USP37: variants seen among roughly 807,000 people sequenced by gnomAD.
USP37 encodes the protein ubiquitin specific peptidase 37.
Under a neutral mutation model 124.0 loss-of-function variants are expected in USP37, and 27 were observed. That is an observed-to-expected ratio of 0.22 (90% confidence interval 0.16 to 0.30). USP37 has a LOEUF of 0.30. Ranked by LOEUF, USP37 falls within the 10% of genes least tolerant of loss-of-function variation. The probability of loss-of-function intolerance (pLI) is 1.00; values close to 1 mark genes in which losing one functional copy is unlikely to be tolerated. For synonymous variants in USP37, 365 were observed against 388.0 expected (o/e 0.94, Z 0.70); for missense variants, 889 against 1,140.4 (o/e 0.78, Z 3.17).
chr2:218,531,851 A>T (rs1691343953), intron 9 of USP37, among the ~76,000 whole-genome samples: 1 of 152,264 alleles, frequency 6.6e-6, no homozygotes, highest in Admixed American at 6.5e-5. Flanking sequence ...CTACAAGTGG[A>T]GCCTGCAGAT....
intron 20 of USP37, among the ~76,000 whole-genome samples, chr2:218,467,663 T>C (rs546386166): frequency 6.6e-6 from 1 of 151,640 alleles, no homozygotes; most frequent in South Asian, 2.1e-4. Flanking sequence ...TTGTATTTTT[T>C]AGTAGAGATA....
intron 18 of USP37, among the ~76,000 whole-genome samples, chr2:218,477,892 A>T (rs1237576233): frequency 6.6e-6 from 1 of 152,228 alleles, no homozygotes; most frequent in Non-Finnish European, 1.5e-5. Context: ...ACTTATGTGG[A>T]ATCCTTTAAT....
chr2:218,513,301 G>A (rs947622882), intron 10 of USP37, among the ~76,000 whole-genome samples: 2 of 152,104 alleles, frequency 1.3e-5, no homozygotes, highest in African/African-American at 2.4e-5. Context: ...CAAGTGCTAC[G>A]ATTACAGGCG....
chr2:218,466,407 T>G (rs185210784), intron 20 of USP37, among the ~76,000 whole-genome samples: 2 of 152,250 alleles, frequency 1.3e-5, no homozygotes. Context: ...GTATGTCCTG[T>G]GCATTGTAGA....
chr2:218,566,886 G>C (rs570779869), intron 1 of USP37, among the ~76,000 whole-genome samples: 13 of 152,248 alleles, frequency 8.5e-5, no homozygotes, highest in African/African-American at 3.1e-4. Context: ...TGTGTCATGT[G>C]CCACTTAATA....
intron 8 of USP37, among the ~76,000 whole-genome samples, chr2:218,538,696 G>A (rs1250329058): frequency 6.6e-6 from 1 of 152,148 alleles, no homozygotes; most frequent in African/African-American, 2.4e-5. Context: ...CCTGATCCAA[G>A]GGCATCCCTT....
At chr2:218,538,300 G>A (rs554495325) in intron 8 of USP37, among the ~76,000 whole-genome samples, 3 of 152,320 alleles carry the variant, frequency 2.0e-5, no homozygotes, top group Non-Finnish European at 1.5e-5. Context: ...GGAGAGAGAA[G>A]TGGGTCATGG....
chr2:218,561,652 G>A (rs1378763452), intron 2 of USP37, among the ~76,000 whole-genome samples: 17 of 135,628 alleles, frequency 1.3e-4, no homozygotes, highest in Non-Finnish European at 8.1e-5. Flanking sequence ...CTCTGTCTCA[G>A]AAAAAAAAAA....
chr2:218,563,023 C>G (rs1248083108), intron 1 of USP37, among the ~76,000 whole-genome samples: 1 of 151,760 alleles, frequency 6.6e-6, no homozygotes, highest in Non-Finnish European at 1.5e-5. Context: ...ATTAGCTGGG[C>G]GTGGCAGTGC....
intron 10 of USP37, chr2:218,528,656 C>T (rs1222010485): frequency 4.8e-6 from 2 of 419,864 alleles, no homozygotes; most frequent in Non-Finnish European, 4.2e-6. Context: ...GCCACATTTT[C>T]TTTATCCTGT....
intron 14 of USP37, among the ~76,000 whole-genome samples, chr2:218,495,161 A>AG (rs1689012289): frequency 2.0e-5 from 3 of 152,150 alleles, no homozygotes. Flanking sequence ...TTGTTTTTTG[A>AG]GATAGGGTCT....
In USP37 at chr2:218,454,955, C is replaced by A; in HGVS notation, c.2915G>T (p.Gly972Val). The change falls in exon 26 of 26, where the codon GGG (glycine) becomes GTG (valine). Residue 972 changes from glycine to valine, a missense_variant. By Grantham distance (109) the Gly-to-Val change is moderately radical (BLOSUM62 -3). Transcript: ENST00000258399. The part of the protein sequence containing the change: ...KNSQSLSTEV[G>V]KTTRQAL Reference sequence around the variant, plus strand: ...TCACAAGGCCTGACGGGTAGTCTTCCCCACTTCCGTGCTAAGTGACTGAGA... The same window carrying A: ...TCACAAGGCCTGACGGGTAGTCTTCACCACTTCCGTGCTAAGTGACTGAGA... 6.2e-7 allele frequency: 1 copy of A among 1,614,086 alleles called. No individual in the cohort carries two copies.
intron 10 of USP37, 85 bp from the exon 11 acceptor site, chr2:218,510,225 T>C (rs1468803121): frequency 2.8e-6 from 4 of 1,425,042 alleles, no homozygotes; most frequent in Non-Finnish European, 3.8e-6. Flanking sequence ...GAAGTCAATG[T>C]TTAAGGAAAA....
chr2:218,471,419 T>G (rs958338429), intron 20 of USP37, among the ~76,000 whole-genome samples: 1 of 152,228 alleles, frequency 6.6e-6, no homozygotes, highest in African/African-American at 2.4e-5. Context: ...AAAGTGATCA[T>G]GACACTTCTT....
intron 20 of USP37, among the ~76,000 whole-genome samples, chr2:218,470,129 C>T (rs150984057): frequency 1.2e-4 from 19 of 152,240 alleles, no homozygotes; most frequent in African/African-American, 3.9e-4. Context: ...CTTAACTCAA[C>T]ATTCTTCCAC....
chr2:218,534,528 C>A (rs1048307998), intron 9 of USP37, 81 bp downstream of exon 9: 1 of 719,106 alleles, frequency 1.4e-6, no homozygotes, highest in African/African-American at 1.9e-5. Flanking sequence ...AAAGAATGTA[C>A]AGATGGGTTA....
intron 11 of USP37, among the ~76,000 whole-genome samples, chr2:218,507,194 C>T (rs979532512): frequency 2.0e-5 from 3 of 151,962 alleles, no homozygotes; most frequent in African/African-American, 4.8e-5. Context: ...TGGAGTCTCA[C>T]AGTTGTCCAG....
rs959484166 is a variant in USP37 at position 218,558,348 on chromosome 2, C to T, written c.156+150G>A. ...CAATACTGATGAATAATTTATAAAA[C>T]ATGTACATAAAAATATTAATGTCCT... On this transcript the variant is annotated intron_variant, in intron 4 of 25. Transcript: ENST00000258399. 3 of 691,324 alleles carry T rather than the reference C, an allele frequency of 4.3e-6. No individual in the cohort carries two copies. The African/African-American group carries it at 5.5e-5, about 13-fold the overall frequency. The allele number at this position is 691,324 out of a possible 1,614,324, so 42.8% of individuals were successfully genotyped here. A position where few individuals can be genotyped will look rare whatever the true frequency, so the allele number is the denominator to read the frequency against.
chr2:218,554,746 C>CAAA (rs35776200), intron 4 of USP37, among the ~76,000 whole-genome samples: 14 of 121,990 alleles, frequency 1.1e-4, no homozygotes, highest in East Asian at 4.2e-4. Context: ...AACTTTGTCT[C>CAAA]AAAAAAAAAA....
Sources: allele counts gnomAD v4.1 joint callset (sites outside exome capture counted in the v4.1 genomes callset), GRCh38; gene constraint gnomAD v4.1.1; transcripts MANE v1.5; gene names NCBI Gene and HGNC (gene_info 2026-07-23, HGNC 2026-07-21).